GABRB1: variants seen among roughly 807,000 people sequenced by gnomAD.
GABRB1 encodes the protein gamma-aminobutyric acid type A receptor subunit beta1.
In GABRB1, 17 loss-of-function variants were observed where a neutral mutation model predicts 51.6. That is an observed-to-expected ratio of 0.33 (90% CI 0.23 to 0.49). GABRB1 has a LOEUF of 0.49. GABRB1 is among the 20% of genes least tolerant of loss of function. The pLI is 0.99. For synonymous variants in GABRB1, 247 were observed against 218.9 expected, an observed-to-expected ratio of 1.13 and a Z score of -1.14; for missense variants, 410 against 600.6, an observed-to-expected ratio of 0.68 and a Z score of 3.32.
intron 1 of GABRB1, among the ~76,000 whole-genome samples, chr4:47,001,281 T>C (rs1200316360): frequency 6.6e-6 from 1 of 152,068 alleles, no homozygotes. Flanking sequence ...TAGCTGGGAC[T>C]ACAGGCGCCC....
At chr4:47,323,259 A>G (rs944873851) in intron 5 of GABRB1, among the ~76,000 whole-genome samples, 9 of 152,320 alleles carry the variant, frequency 5.9e-5, no homozygotes, top group African/African-American at 2.2e-4. Context: ...TTCTGATGAC[A>G]GCATAATTTA....
At chr4:47,031,766 C>G in intron 1 of GABRB1, 35 bp downstream of exon 1, 1 of 1,573,002 alleles carries the variant, frequency 6.4e-7, no homozygotes. Context: ...CTCTCTCTCT[C>G]TCTCTCTCTT....
At chr4:47,172,311 T>C (rs796384604) in intron 4 of GABRB1, among the ~76,000 whole-genome samples, 3 of 152,334 alleles carry the variant, frequency 2.0e-5, no homozygotes, top group African/African-American at 7.2e-5. Flanking sequence ...TGATTGAAGT[T>C]AATAGGATAT....
At chr4:47,168,538 A>G (rs1176535675) in intron 4 of GABRB1, among the ~76,000 whole-genome samples, 1 of 152,124 alleles carries the variant, frequency 6.6e-6, no homozygotes, top group Admixed American at 6.6e-5. Context: ...AGACTTGATC[A>G]GATTTAGATT....
chr4:47,282,119 C>T (rs1157959067), intron 4 of GABRB1, among the ~76,000 whole-genome samples: 1 of 152,058 alleles, frequency 6.6e-6, no homozygotes, highest in East Asian at 1.9e-4. Context: ...ATAATAGAAG[C>T]ATAAATCAAA....
intron 3 of GABRB1, among the ~76,000 whole-genome samples, chr4:47,067,111 G>C (rs1443597361): frequency 4.6e-5 from 7 of 152,188 alleles, no homozygotes; most frequent in Admixed American, 3.9e-4. Flanking sequence ...TTAATGAACA[G>C]TGCTATCTTG....
upstream of GABRB1, among the ~76,000 whole-genome samples, chr4:47,027,011 C>T (rs929353368): frequency 6.6e-6 from 1 of 151,704 alleles, no homozygotes; most frequent in African/African-American, 2.4e-5. Flanking sequence ...ATCCCTACCT[C>T]TTAAGATATT....
At chr4:47,027,000 T>C (rs944894422), upstream of GABRB1, among the ~76,000 whole-genome samples, 4 of 151,890 alleles carry the variant, frequency 2.6e-5, no homozygotes, top group African/African-American at 9.7e-5. Context: ...ACTAATTATA[T>C]ATCCCTACCT....
chr4:47,326,427 T>C (rs1228566338), intron 5 of GABRB1, among the ~76,000 whole-genome samples: 2 of 152,236 alleles, frequency 1.3e-5, no homozygotes, highest in Admixed American at 6.5e-5. Flanking sequence ...TAACTTTTAT[T>C]ACATTATATT....
At chr4:47,322,970 AAACAACAAC>A (rs58096811) in intron 5 of GABRB1, among the ~76,000 whole-genome samples, 11 of 150,138 alleles carry the variant, frequency 7.3e-5, no homozygotes, top group Non-Finnish European at 1.0e-4. Context: ...CTCCATTTCA[AAACAACAAC>A]AACAACAACA....
At chr4:47,006,422 A>G (rs897027523) in intron 1 of GABRB1, among the ~76,000 whole-genome samples, 1 of 152,208 alleles carries the variant, frequency 6.6e-6, no homozygotes, top group East Asian at 1.9e-4. Flanking sequence ...TCCTATAATG[A>G]TCATAAGATG....
chr4:47,314,379 A>G (rs560851664), intron 4 of GABRB1, among the ~76,000 whole-genome samples: 30 of 152,198 alleles, frequency 2.0e-4, no homozygotes, highest in African/African-American at 6.5e-4. Context: ...TAAATTGGCT[A>G]TGTAAACTAC....
rs138714797 is a variant in GABRB1 at position 47,165,127 on chromosome 4, T to C, written c.461+3658T>C. On this transcript the variant is annotated intron_variant, in intron 4 of 8. Coordinates refer to ENST00000295454, the MANE Select transcript of GABRB1 (RefSeq NM_000812.4). Reference sequence around the variant, plus strand: ...ACATGATGTCATTTCCTTTCTTACTTAAAAGCGGAGACTATACAATATCAC... The same window carrying C: ...ACATGATGTCATTTCCTTTCTTACTCAAAAGCGGAGACTATACAATATCAC... Among the ~76,000 whole-genome samples the C allele has an allele frequency of 4.6e-4, 70 of 152,204 alleles. 1 individual carries two copies. Among genetic ancestry groups the C allele is most frequent in the African/African-American group, 1.7e-3 (69 of 41,552 alleles).
chr4:47,091,884 C>T (rs1028319185), intron 3 of GABRB1, among the ~76,000 whole-genome samples: 3 of 152,172 alleles, frequency 2.0e-5, no homozygotes, highest in East Asian at 1.9e-4. Flanking sequence ...TTAGTGTCTT[C>T]GTACACACAA....
At chr4:47,155,916 CATATATATATATATATAT>C (rs10525795) in intron 3 of GABRB1, among the ~76,000 whole-genome samples, 10 of 73,612 alleles carry the variant, frequency 1.4e-4, no homozygotes, top group Non-Finnish European at 2.5e-4. Context: ...GAGGTATTTT[CATATATATATATATATAT>C]ATATATATAT....
At chr4:47,089,416 T>A (rs1272389811) in intron 3 of GABRB1, among the ~76,000 whole-genome samples, 1 of 152,192 alleles carries the variant, frequency 6.6e-6, no homozygotes, top group Non-Finnish European at 1.5e-5. Context: ...GGTCTATGTG[T>A]CAACATTTTG....
At chr4:47,344,906 A>G (rs1323856807) in intron 5 of GABRB1, among the ~76,000 whole-genome samples, 2 of 151,930 alleles carry the variant, frequency 1.3e-5, no homozygotes, top group African/African-American at 4.8e-5. Flanking sequence ...TATTTTTAGT[A>G]GAGACGGAGT....
At chr4:47,358,261 A>G (rs1726659879) in intron 5 of GABRB1, among the ~76,000 whole-genome samples, 2 of 152,200 alleles carry the variant, frequency 1.3e-5, no homozygotes, top group Admixed American at 6.5e-5. Flanking sequence ...AGAGTTCTCC[A>G]TAGGAACAGA....
intron 1 of GABRB1, among the ~76,000 whole-genome samples, chr4:47,006,629 A>G (rs1443891803): frequency 1.7e-4 from 26 of 152,196 alleles, no homozygotes; most frequent in Admixed American, 1.7e-3. Context: ...AAAAATCATT[A>G]TATCTAGGTT....
Sources: gnomAD v4.1 joint callset for allele counts (sites outside exome capture counted in the v4.1 genomes callset) on GRCh38, gnomAD v4.1.1 for gene constraint, MANE v1.5 for transcripts, NCBI Gene and HGNC (gene_info 2026-07-23, HGNC 2026-07-21) for gene names.